MBP: variants seen among roughly 807,000 people sequenced by gnomAD.
The protein encoded by MBP is myelin basic protein, also known as Golli-MBP.
A neutral mutation model predicts 35.8 loss-of-function variants in MBP; 16 were observed. The ratio of observed to expected loss-of-function variants is 0.45; its 90% CI spans 0.30 to 0.68. MBP has a LOEUF of 0.68. Among genes scored for constraint, MBP ranks in the 30% least tolerant of loss-of-function variants. The pLI, the probability that MBP is intolerant of heterozygous loss-of-function variation, is 0.08. For missense variants in MBP, 380 were observed against 404.7 expected, an observed-to-expected ratio of 0.94 and a Z score of 0.52; for synonymous variants, 143 against 159.6, an observed-to-expected ratio of 0.90 and a Z score of 0.78.
At chr18:77,104,866 T>C (rs964759748) in intron 2 of MBP, among the ~76,000 whole-genome samples, 4 of 152,152 alleles carry the variant, frequency 2.6e-5, no homozygotes, top group East Asian at 1.9e-4. Context: ...TTCGTCTTCC[T>C]CTCCTCCTGG....
At chr18:76,986,673 G>A (rs183900950) in intron 7 of MBP, 6 of 985,414 alleles carry the variant, frequency 6.1e-6, no homozygotes, top group Non-Finnish European at 7.2e-6. Flanking sequence ...AGGTTTCCAG[G>A]TTCATGCTCA....
chr18:77,048,951 G>A (rs577335754), intron 3 of MBP, among the ~76,000 whole-genome samples: 1 of 151,652 alleles, frequency 6.6e-6, no homozygotes, highest in Non-Finnish European at 1.5e-5. Flanking sequence ...ATGGAGTCTC[G>A]CTCTGTCACC....
chr18:77,030,870 C>G (rs1424668978), intron 3 of MBP, among the ~76,000 whole-genome samples: 1 of 152,176 alleles, frequency 6.6e-6, no homozygotes, highest in Non-Finnish European at 1.5e-5. Flanking sequence ...CTGTTTCAGA[C>G]CTTCTCTTAT....
chr18:77,103,557 C>T (rs74182688), intron 2 of MBP, among the ~76,000 whole-genome samples: 4 of 152,220 alleles, frequency 2.6e-5, no homozygotes, highest in Non-Finnish European at 5.9e-5. Context: ...AAAGGAATTT[C>T]ATAATCTCTT....
chr18:77,044,705 A>T lies in MBP; in HGVS notation c.139+21593T>A, dbSNP rs1973157793. ...CTGCCACGTGAATAAACAAAGTCAGATCTGAAATGCTTAAAAGCAAATTAA... is the reference window on the plus strand; with the variant it reads ...CTGCCACGTGAATAAACAAAGTCAGTTCTGAAATGCTTAAAAGCAAATTAA... On this transcript the variant is annotated intron_variant, in intron 3 of 8. Transcript: ENST00000355994. The surrounding 1 kb of genome is among the most constrained non-coding windows in gnomAD (Gnocchi z 4.4). Among the ~76,000 whole-genome samples the T allele has an allele frequency of 6.6e-6, 1 of 152,244 alleles. No individual in the cohort carries two copies. The highest frequency in any genetic ancestry group is 1.5e-5 in the Non-Finnish European group (1 of 68,048).
intron 2 of MBP, among the ~76,000 whole-genome samples, chr18:77,084,651 AC>A (rs1455852156): frequency 6.6e-6 from 1 of 152,196 alleles, no homozygotes; most frequent in Non-Finnish European, 1.5e-5. Flanking sequence ...TTACCATGGC[AC>A]ATGTATTCCC....
chr18:77,018,258 A>C (rs1971757524), intron 3 of MBP, among the ~76,000 whole-genome samples: 10 of 128,056 alleles, frequency 7.8e-5, no homozygotes, highest in African/African-American at 2.9e-4. Context: ...CCATCCACCC[A>C]CCCCTCCATC....
chr18:77,081,831 C>CAT (rs372151927), intron 2 of MBP, among the ~76,000 whole-genome samples: 4 of 50,144 alleles, frequency 8.0e-5, no homozygotes, highest in African/African-American at 1.6e-4. Flanking sequence ...CACACACACA[C>CAT]ACACACACAC....
At chr18:77,024,274 C>T (rs1389811698) in intron 3 of MBP, among the ~76,000 whole-genome samples, 1 of 151,892 alleles carries the variant, frequency 6.6e-6, no homozygotes, top group Non-Finnish European at 1.5e-5. Context: ...AGCTCATCAA[C>T]TATTGTTAGT....
At position 76,979,715 on chromosome 18, in the gene MBP, C is replaced by T. The variant is rs1196346860; in HGVS notation, c.*712G>A. 103 of 550,664 alleles carry T rather than the reference C, an allele frequency of 1.9e-4. No individual in the cohort carries two copies. The highest frequency in any genetic ancestry group is 3.1e-4 in the Non-Finnish European group (95 of 309,766). The allele number at this position is 550,664 out of a possible 1,614,324, so 34.1% of individuals were successfully genotyped here. A position where few individuals can be genotyped will look rare whatever the true frequency, so the allele number is the denominator to read the frequency against. On this transcript the variant is annotated 3_prime_UTR_variant, in exon 9 of 9. Coordinates refer to ENST00000355994, the MANE Select transcript of MBP (RefSeq NM_001025101.2). Reference sequence around the variant, plus strand: ...GAAGACCCTGTTTCCTATGTGAGGCCATTGCCCAGCCCACGTTTGCCTCCT... The same window carrying T: ...GAAGACCCTGTTTCCTATGTGAGGCTATTGCCCAGCCCACGTTTGCCTCCT...
chr18:77,103,804 C>T lies in MBP; in HGVS notation c.51+1407G>A, dbSNP rs933092076. Among the ~76,000 whole-genome samples the T allele has an allele frequency of 5.9e-5, 9 of 152,312 alleles. No homozygotes were observed. In the East Asian group the frequency reaches 7.7e-4, roughly 13 times the overall value. On this transcript the variant is annotated intron_variant, in intron 2 of 8. Coordinates refer to ENST00000355994, the MANE Select transcript of MBP (RefSeq NM_001025101.2). Reference sequence around the variant, plus strand: ...ACATCATTGGATCATCTGTCCTGAGCGTCTCAGTGGGAAAAGGGTCCAGAA... The same window carrying T: ...ACATCATTGGATCATCTGTCCTGAGTGTCTCAGTGGGAAAAGGGTCCAGAA...
chr18:77,109,186 C>T (rs981871486), intron 1 of MBP: 2 of 152,226 alleles, frequency 1.3e-5, no homozygotes, highest in African/African-American at 2.4e-5. Context: ...CTTACTATCA[C>T]ACATGTTCAG....
At chr18:77,016,529 C>T in intron 4 of MBP, 1 of 1,243,158 alleles carries the variant, frequency 8.0e-7, no homozygotes, top group Non-Finnish European at 1.0e-6. Context: ...ATGTGGCTCT[C>T]TTTCTGCAAC....
rs1039702209 is a variant in MBP, at chr18:76,984,417, G to A, written c.870+358C>T. The A allele has an allele frequency of 1.9e-5, 5 of 260,032 alleles. No individual in the cohort carries two copies. The East Asian group carries it at 2.9e-4, about 15-fold the overall frequency. 16.1% of individuals were successfully genotyped at this position (260,032 alleles called of 1,614,324 possible). ...CCAGGGATCTCCCCCCGACACCCAC[G>A]TCTGCTTGACTCCTGCTTTAGCTCC... On this transcript the variant is annotated intron_variant, in intron 8 of 8. Transcript: ENST00000355994.
chr18:77,065,927 A>G, intron 3 of MBP: 1 of 197,190 alleles, frequency 5.1e-6, no homozygotes, highest in Non-Finnish European at 1.0e-5. Context: ...GAGCAATCAT[A>G]GCTCACTGCA....
At chr18:77,128,420 T>C (rs1977126722) in intron 1 of MBP, among the ~76,000 whole-genome samples, 1 of 152,044 alleles carries the variant, frequency 6.6e-6, no homozygotes, top group Non-Finnish European at 1.5e-5. Flanking sequence ...AAGAGTAGCA[T>C]CAAGGATCCT....
chr18:77,003,390 C>G (rs1970743445), intron 4 of MBP: 1 of 152,166 alleles, frequency 6.6e-6, no homozygotes. Context: ...AGCAGTGGCC[C>G]TGAGAGTGAA....
At chr18:76,985,963 G>A (rs1969535854) in intron 7 of MBP, 1 of 985,876 alleles carries the variant, frequency 1.0e-6, no homozygotes, top group East Asian at 1.1e-4. Context: ...ACACATGGGT[G>A]CGAGTGTCCC....
chr18:77,058,487 C>T (rs1180424925), intron 3 of MBP, among the ~76,000 whole-genome samples: 2 of 152,168 alleles, frequency 1.3e-5, no homozygotes, highest in Non-Finnish European at 2.9e-5. Context: ...ACCCCAGGCC[C>T]GGGCACGACC....
Sources: allele counts gnomAD v4.1 joint callset (sites outside exome capture counted in the v4.1 genomes callset), GRCh38; gene constraint gnomAD v4.1.1; non-coding constraint Gnocchi (gnomAD v3.1); transcripts MANE v1.5; gene names NCBI Gene and HGNC (gene_info 2026-07-23, HGNC 2026-07-21).